Variants in SEPTIN8 observed in about 807,000 individuals in gnomAD.
SEPTIN8 encodes septin-8.
SEPTIN8 carries 22 observed loss-of-function variants against 53.1 expected under a neutral mutation model. That is an observed-to-expected ratio of 0.41 (90% CI 0.30 to 0.59). The LOEUF is 0.59. SEPTIN8 is among the 20% of genes least tolerant of loss of function. SEPTIN8 has a pLI of 0.24. For missense variants in SEPTIN8, 536 were observed against 638.7 expected, an observed-to-expected ratio of 0.84 and a Z score of 1.73; for synonymous variants, 228 against 248.4, an observed-to-expected ratio of 0.92 and a Z score of 0.77.
rs572073033 is a variant in SEPTIN8, at chr5:132,776,186, C to T, written c.30+922G>A. Among the ~76,000 whole-genome samples the T allele has an allele frequency of 1.6e-4, 24 of 152,164 alleles. No individual in the cohort carries two copies. The highest frequency in any genetic ancestry group is 5.8e-4 in the African/African-American group (24 of 41,498). ...TCCTCCTCCTCCTTCTCCCCCTCCTCCCCCTTCCAGCCGACCAGGGCCTTA... is the reference window on the plus strand; with the variant it reads ...TCCTCCTCCTCCTTCTCCCCCTCCTTCCCCTTCCAGCCGACCAGGGCCTTA... On this transcript the variant is annotated intron_variant, in intron 1 of 9. Coordinates refer to ENST00000378719, the MANE Select transcript of SEPTIN8 (RefSeq NM_001098811.2). The surrounding 1 kb of genome is among the most constrained non-coding windows in gnomAD (Gnocchi z 4.4).
chr5:132,774,733 A>G (rs1354590724), intron 1 of SEPTIN8, among the ~76,000 whole-genome samples: 1 of 152,102 alleles, frequency 6.6e-6, no homozygotes, highest in East Asian at 1.9e-4. Context: ...GGCTAGACTG[A>G]CCACTGAGCT....
At chr5:132,777,381 C>T (rs960128169), upstream of SEPTIN8, 1 of 1,022,940 alleles carries the variant, frequency 9.8e-7, no homozygotes. This position sits in a 1 kb window ranked among gnomAD's most constrained non-coding sequence, Gnocchi z 4.1. Flanking sequence ...GCCGCTTGGA[C>T]GGCCGGGGGT....
intron 1 of SEPTIN8, chr5:132,774,089 T>C (rs1193288362): frequency 6.1e-6 from 1 of 164,954 alleles, no homozygotes; most frequent in Non-Finnish European, 1.5e-5. Flanking sequence ...GACAGAGACC[T>C]TGAGCCTCAT....
upstream of SEPTIN8, chr5:132,777,795 G>A (rs1475880016): frequency 1.2e-5 from 12 of 985,342 alleles, no homozygotes; most frequent in African/African-American, 5.2e-5. The surrounding 1 kb of genome is among the most constrained non-coding windows in gnomAD (Gnocchi z 4.1). Context: ...GAACCCCGGC[G>A]GGACCCGCGC....
In SEPTIN8 at chr5:132,773,785, C is replaced by T. The variant is rs1287640022; in HGVS notation, c.30+3323G>A. 6.6e-6 allele frequency: 1 copy of T among 152,528 alleles called. No individual in the cohort carries two copies. Among genetic ancestry groups the T allele is most frequent in the East Asian group, 1.9e-4 (1 of 5,206 alleles). The allele number at this position is 152,528 out of a possible 1,614,324, so 9.4% of individuals were successfully genotyped here. On this transcript the variant is annotated intron_variant, in intron 1 of 9. Coordinates refer to ENST00000378719, the MANE Select transcript of SEPTIN8 (RefSeq NM_001098811.2). The surrounding 1 kb of genome is among the most constrained non-coding windows in gnomAD (Gnocchi z 4.2). ...ATCATGGTCAGTCTTTTAGCATGTG[C>T]TCCCTGGAATGACCAATGCTTTCCA...
chr5:132,778,246 C>T (rs747644630), upstream of SEPTIN8: 3 of 272,194 alleles, frequency 1.1e-5, no homozygotes, highest in Non-Finnish European at 1.7e-5. Context: ...CCCCCACTGG[C>T]CTCATCCCAG....
In SEPTIN8 at chr5:132,751,882, A is replaced by T. The variant is rs1056857214; in HGVS notation, c.*134T>A. 1 of 1,458,336 alleles carries T rather than the reference A, an allele frequency of 6.9e-7. No individual in the cohort carries two copies. Among genetic ancestry groups the T allele is most frequent in the Non-Finnish European group, 9.3e-7 (1 of 1,074,596 alleles). The allele number at this position is 1,458,336 out of a possible 1,614,324, so 90.3% of individuals were successfully genotyped here. On this transcript the variant is annotated 3_prime_UTR_variant, in exon 10 of 10. Coordinates refer to ENST00000378719, the MANE Select transcript of SEPTIN8 (RefSeq NM_001098811.2). ...GCAACATTTGATGTTCCCTGATGGA[A>T]ATTTAAATTGTTTGCACTTTTGATC...
intron 1 of SEPTIN8, among the ~76,000 whole-genome samples, chr5:132,765,730 G>T (rs1486478309): frequency 6.6e-6 from 1 of 152,228 alleles, no homozygotes; most frequent in Non-Finnish European, 1.5e-5. Context: ...ATGCCCCCAG[G>T]GGGAAAGGCC....
rs975534182 is a variant in SEPTIN8, at chr5:132,776,739, A to G, written c.30+369T>C. On this transcript the variant is annotated intron_variant, in intron 1 of 9. Coordinates refer to ENST00000378719, the MANE Select transcript of SEPTIN8 (RefSeq NM_001098811.2). This position sits in a 1 kb window ranked among gnomAD's most constrained non-coding sequence, Gnocchi z 4.4. ...GGCTAGGACTCTTCCCCAAGTGTGC[A>G]GAAAGAAACACCCTGGGCGATAGGG... Among the ~76,000 whole-genome samples the G allele has an allele frequency of 4.6e-5, 7 of 152,160 alleles. No individual in the cohort carries two copies. Among genetic ancestry groups the G allele is most frequent in the African/African-American group, 1.7e-4 (7 of 41,444 alleles).
intron 9 of SEPTIN8, among the ~76,000 whole-genome samples, chr5:132,755,377 C>G (rs1755232227): frequency 6.6e-6 from 1 of 152,210 alleles, no homozygotes; most frequent in South Asian, 2.1e-4. Flanking sequence ...CACCATCAGG[C>G]TGTGTACTTT....
rs533479149 is a variant in SEPTIN8 at position 132,764,547 on chromosome 5, G to A, written c.152-128C>T. Reference sequence around the variant, plus strand: ...CCTGGATAAGAGAAAGGGGCAGGCCGCCCACCCCATCCCTCATCACCCCCA... The same window carrying A: ...CCTGGATAAGAGAAAGGGGCAGGCCACCCACCCCATCCCTCATCACCCCCA... On this transcript the variant is annotated intron_variant, in intron 2 of 9. Coordinates refer to ENST00000378719, the MANE Select transcript of SEPTIN8 (RefSeq NM_001098811.2). The A allele has an allele frequency of 9.8e-5, 67 of 683,626 alleles. 1 individual carries two copies. The highest frequency in any genetic ancestry group is 9.5e-4 in the South Asian group (49 of 51,472). 42.3% of individuals were successfully genotyped at this position (683,626 alleles called of 1,614,324 possible). A position where few individuals can be genotyped will look rare whatever the true frequency, so the allele number is the denominator to read the frequency against.
At chr5:132,777,864 C>A (rs944847694), upstream of SEPTIN8, 7 of 985,374 alleles carry the variant, frequency 7.1e-6, no homozygotes, top group African/African-American at 1.7e-5. The surrounding 1 kb of genome is among the most constrained non-coding windows in gnomAD (Gnocchi z 4.1). Flanking sequence ...GTGCAACCAA[C>A]GAGCAGGATG....
intron 1 of SEPTIN8, among the ~76,000 whole-genome samples, chr5:132,767,985 A>G (rs1048041079): frequency 6.7e-6 from 1 of 149,822 alleles, no homozygotes; most frequent in Admixed American, 6.6e-5. Context: ...ACACACACAC[A>G]CGCAGCCGCA....
chr5:132,752,588 A>G (rs1426008611), intron 9 of SEPTIN8, among the ~76,000 whole-genome samples: 1 of 152,172 alleles, frequency 6.6e-6, no homozygotes, highest in Admixed American at 6.5e-5. Context: ...TACCAGGTAC[A>G]GGGGTACCAT....
chr5:132,757,004 G>A, intron 9 of SEPTIN8: 1 of 985,336 alleles, frequency 1.0e-6, no homozygotes. Flanking sequence ...AATTACCCTA[G>A]AGATGAGCCA....
chr5:132,773,396 G>A lies in SEPTIN8; in HGVS notation c.30+3712C>T, dbSNP rs1013838350. The stretch of plus-strand genomic sequence containing the variant: ...TTGCTCTACCATCCTGCAGCTGCTC[G>A]CCTCTGGTAGCTGGACTTGAGCCAC... On this transcript the variant is annotated intron_variant, in intron 1 of 9. Transcript: ENST00000378719. The surrounding 1 kb of genome is among the most constrained non-coding windows in gnomAD (Gnocchi z 4.2). 3.9e-5 allele frequency among the ~76,000 whole-genome samples: 6 copies of A among 152,198 alleles called. No individual in the cohort carries two copies. Among genetic ancestry groups the A allele is most frequent in the Non-Finnish European group, 8.8e-5 (6 of 68,022 alleles).
Position 132,760,719 on chromosome 5 carries a change from C to T in SEPTIN8, c.1286+83G>A, listed in dbSNP as rs1581152016. 13 of 1,311,440 alleles carry T rather than the reference C, an allele frequency of 9.9e-6. No homozygotes were observed. The highest frequency in any genetic ancestry group is 5.4e-5 in the South Asian group (4 of 74,472). The allele number at this position is 1,311,440 out of a possible 1,614,324, so 81.2% of individuals were successfully genotyped here. ...GGGTAAGAGAGGGCGAGCAGGAGAG[C>T]GAGAAGGGAGGTGAGGGACAAGAAC... On this transcript the variant is annotated intron_variant, in intron 9 of 9. Coordinates refer to ENST00000378719, the MANE Select transcript of SEPTIN8 (RefSeq NM_001098811.2). This position sits in a 1 kb window ranked among gnomAD's most constrained non-coding sequence, Gnocchi z 5.2.
At chr5:132,767,762 G>A (rs971053693) in intron 1 of SEPTIN8, among the ~76,000 whole-genome samples, 1 of 152,036 alleles carries the variant, frequency 6.6e-6, no homozygotes, top group African/African-American at 2.4e-5. Flanking sequence ...GGACACAGTC[G>A]GTCTAGAGCT....
At chr5:132,756,374 G>T (rs3173027) in intron 9 of SEPTIN8, 14,967 of 983,890 alleles carry the variant, frequency 0.015, 731 homozygotes, top group African/African-American at 0.15. Context: ...CCCAATTTGG[G>T]CAACGAATTA....
Sources: gnomAD v4.1 joint callset for allele counts (sites outside exome capture counted in the v4.1 genomes callset) on GRCh38, gnomAD v4.1.1 for gene constraint, Gnocchi (gnomAD v3.1) non-coding constraint, MANE v1.5 for transcripts, NCBI Gene and HGNC (gene_info 2026-07-23, HGNC 2026-07-21) for gene names.